CEBPZ: variants seen among roughly 807,000 people sequenced by gnomAD.
CEBPZ encodes CCAAT enhancer binding protein zeta.
A neutral mutation model predicts 104.5 loss-of-function variants in CEBPZ; 78 were observed. The ratio of observed to expected loss-of-function variants is 0.75; its 90% CI spans 0.62 to 0.90. CEBPZ has a LOEUF of 0.90. Ranked by LOEUF, CEBPZ falls within the 40% of genes least tolerant of loss-of-function variation. The probability of loss-of-function intolerance (pLI) is 0.00; values close to 1 mark genes in which losing one functional copy is unlikely to be tolerated. For synonymous variants in CEBPZ, 470 were observed against 427.0 expected (o/e 1.10, Z -1.24); for missense variants, 1,439 against 1,233.5 (o/e 1.17, Z -2.50).
rs764007712 is a variant in CEBPZ, at chr2:37,222,490, T to C, written c.1955A>G (p.Lys652Arg). 6.5e-5 allele frequency: 104 copies of C among 1,611,558 alleles called. 1 individual carries two copies. In the South Asian group the frequency reaches 1.1e-3, roughly 17 times the overall value. The part of the protein sequence containing the change: ...EDMEKFTDAD[K>R]ETEIVKKLET... ...AAGTTTTTTCACTATCTCTGTTTCT[T>C]TGTCTGCATCAGTGAATTTTTCCAT... Residue 652 changes from lysine (K) to arginine (R), a missense_variant, in exon 4 of 16, where the codon AAA becomes AGA. Transcript: ENST00000234170.
intron 5 of CEBPZ, 118 bp from the exon 6 acceptor site, chr2:37,217,155 T>C (rs945734631): frequency 6.4e-6 from 5 of 780,762 alleles, no homozygotes; most frequent in Non-Finnish European, 1.1e-5. Context: ...TCCAGCACTT[T>C]GGGAGGCTCA....
chr2:37,231,590 G>A lies in CEBPZ; in HGVS notation c.-23C>T, dbSNP rs1007908788. ...CATGGCGGGCAAAGCATACGCGCGT[G>A]AAACTCAGCCTATTTCCGCTCTGCC... On this transcript the variant is annotated 5_prime_UTR_variant, in exon 1 of 16. Transcript: ENST00000234170. 9 of 1,614,126 alleles carry A rather than the reference G, an allele frequency of 5.6e-6. No homozygotes were observed. Among genetic ancestry groups the A allele is most frequent in the African/African-American group, 1.3e-5 (1 of 74,952 alleles).
chr2:37,203,067 GC>G, intron 13 of CEBPZ, 59 bp from the exon 14 acceptor site: 1 of 1,128,734 alleles, frequency 8.9e-7, no homozygotes, highest in Non-Finnish European at 1.3e-6. Flanking sequence ...TTAGAAAAAT[GC>G]AATGCAACAT....
chr2:37,226,681 C>A (rs1021960811), intron 2 of CEBPZ, among the ~76,000 whole-genome samples: 2 of 152,038 alleles, frequency 1.3e-5, no homozygotes, highest in African/African-American at 4.8e-5. Flanking sequence ...ACCCAGGCGG[C>A]GTGGCTTAAG....
intron 2 of CEBPZ, among the ~76,000 whole-genome samples, chr2:37,226,483 C>G (rs1664890453): frequency 6.6e-6 from 1 of 152,190 alleles, no homozygotes; most frequent in Non-Finnish European, 1.5e-5. Flanking sequence ...CATTTACAAG[C>G]TGTAGAACCT....
At chr2:37,220,336 T>A (rs761054146) in intron 5 of CEBPZ, 49 bp downstream of exon 5, 10,533 of 526,350 alleles carry the variant, frequency 0.02, 267 homozygotes, top group Middle Eastern at 0.023. Flanking sequence ...AAAATATATA[T>A]ATATATATAT....
intron 10 of CEBPZ, among the ~76,000 whole-genome samples, chr2:37,213,141 G>A (rs532260645): frequency 1.3e-5 from 2 of 152,164 alleles, no homozygotes; most frequent in East Asian, 1.9e-4. Flanking sequence ...TTTTGTTTAA[G>A]TCTATTAAGT....
chr2:37,216,316 C>A lies in CEBPZ; in HGVS notation c.2311G>T (p.Glu771Ter). ...AATAATTCACTAAATAGAAGCATAC[C>A]TTTGCCTTTATGGGGCTTTGGATTT... is the stretch of plus-strand genomic sequence containing the variant. ...YRNPKPHKGKENTDSVVMQPK... is the reference protein window; with the variant it reads ...YRNPKPHKGK Residue 771 changes from glutamate (E) to a stop codon, truncating the protein, a stop_gained and splice_region_variant, in exon 7 of 16, where the codon GAA (glutamate) becomes TAA (stop). Coordinates refer to ENST00000234170, the MANE Select transcript of CEBPZ (RefSeq NM_005760.3). LOFTEE classifies it high-confidence loss of function. 6.2e-7 allele frequency: 1 copy of A among 1,612,654 alleles called. No homozygotes were observed.
Position 37,216,900 on chromosome 2 carries a change from G to A in CEBPZ, c.2208+84C>T. 4 of 1,136,034 alleles carry A rather than the reference G, an allele frequency of 3.5e-6. No individual in the cohort carries two copies. In the South Asian group the frequency reaches 5.3e-5, roughly 15 times the overall value. The allele number at this position is 1,136,034 out of a possible 1,614,324, so 70.4% of individuals were successfully genotyped here. A position where few individuals can be genotyped will look rare whatever the true frequency, so the allele number is the denominator to read the frequency against. ...AATGTACAAGATTCTCTCTGTTAGAGAAAACACTGTATGACCAATTATTGA... is the reference window on the plus strand; with the variant it reads ...AATGTACAAGATTCTCTCTGTTAGAAAAAACACTGTATGACCAATTATTGA... On this transcript the variant is annotated intron_variant, in intron 6 of 15. Transcript: ENST00000234170.
In CEBPZ at chr2:37,228,046, G is replaced by T. The variant is rs1347603084; in HGVS notation, c.1147C>A (p.Leu383Ile). ...AGTTTATTTACCACTTGCACAAGAA[G>T]AGCCTTTTCTTCCTCAGGCTTGTTA... ...LCNKPEEEKA[L>I]LVQVVNKLGD... The change falls in exon 2 of 16, where the codon CTT (leucine) becomes ATT (isoleucine). Residue 383 changes from leucine to isoleucine, a missense_variant. Leu to Ile is a conservative substitution (Grantham distance 5). Coordinates refer to ENST00000234170, the MANE Select transcript of CEBPZ (RefSeq NM_005760.3). 6.2e-7 allele frequency: 1 copy of T among 1,614,164 alleles called. No individual in the cohort carries two copies. Among genetic ancestry groups the T allele is most frequent in the East Asian group, 2.2e-5 (1 of 44,884 alleles).
rs755724384 is a variant in CEBPZ, at chr2:37,210,981, T to C, written c.2884+18A>G. 14 of 1,571,704 alleles carry C rather than the reference T, an allele frequency of 8.9e-6. No homozygotes were observed. The highest frequency in any genetic ancestry group is 1.4e-5 in the African/African-American group (1 of 73,652). Reference sequence around the variant, plus strand: ...ACATGGACACTGCTTTTAAAAGATATTAAATGTATTTTCTTACCTTGAAAT... The same window carrying C: ...ACATGGACACTGCTTTTAAAAGATACTAAATGTATTTTCTTACCTTGAAAT... On this transcript the variant is annotated intron_variant, in intron 13 of 15. Transcript: ENST00000234170.
intron 8 of CEBPZ, among the ~76,000 whole-genome samples, 189 bp downstream of exon 8, chr2:37,215,951 T>TA (rs201108820): frequency 6.1e-3 from 682 of 111,498 alleles, no homozygotes; most frequent in Middle Eastern, 0.014. Context: ...GTAATAAAGT[T>TA]AAAAAAAAAA....
At chr2:37,222,295 A>G in intron 4 of CEBPZ, 85 bp downstream of exon 4, 1 of 1,169,340 alleles carries the variant, frequency 8.6e-7, no homozygotes, top group South Asian at 1.7e-5. Flanking sequence ...ATAAATAAAT[A>G]AGTAAATAAA....
chr2:37,203,285 A>G, intron 13 of CEBPZ: 2 of 234,944 alleles, frequency 8.5e-6, no homozygotes, highest in Non-Finnish European at 1.6e-5. Flanking sequence ...CCATAAGGGA[A>G]ATAACATAGT....
At chr2:37,211,252 C>A in intron 12 of CEBPZ, 170 bp from the exon 13 acceptor site, 1 of 440,256 alleles carries the variant, frequency 2.3e-6, no homozygotes, top group East Asian at 3.4e-5. Flanking sequence ...GAGAAAAAGA[C>A]TCTAAGAATT....
intron 5 of CEBPZ, among the ~76,000 whole-genome samples, chr2:37,219,829 C>T (rs1417274093): frequency 6.6e-6 from 1 of 152,092 alleles, no homozygotes; most frequent in East Asian, 1.9e-4. Context: ...ACTCTATATG[C>T]AATAATCTAC....
At chr2:37,212,447 T>C (rs770641515) in intron 10 of CEBPZ, 55 bp from the exon 11 acceptor site, 4 of 1,370,648 alleles carry the variant, frequency 2.9e-6, no homozygotes, top group Non-Finnish European at 4.1e-6. Flanking sequence ...GCTTGACATA[T>C]ATCTTGTATC....
intron 13 of CEBPZ, 114 bp downstream of exon 13, chr2:37,210,885 C>G (rs1677699453): frequency 1.9e-6 from 1 of 519,154 alleles, no homozygotes; most frequent in Non-Finnish European, 3.2e-6. Flanking sequence ...TAAAAAGAAC[C>G]CCCCCCACCC....
In CEBPZ at chr2:37,227,791, A is replaced by G; in HGVS notation, c.1402T>C (p.Phe468Leu). The G allele has an allele frequency of 6.2e-7, 1 of 1,613,970 alleles. No individual in the cohort carries two copies. The change falls in exon 2 of 16, where the codon TTT (phenylalanine) becomes CTT (leucine). Residue 468 changes from phenylalanine (F) to leucine (L), a missense_variant. Physicochemically the swap from Phe to Leu is conservative, Grantham distance 22 (BLOSUM62 0). Transcript: ENST00000234170. ...TTTTTTTTGACACAAGTCCGAAAAA[A>G]GCAAAAGTAAACAGTTATTAATTTG... Reference protein sequence around the residue: ...ANKLITVYFCFFRTCVKKKDV... With the variant: ...ANKLITVYFCLFRTCVKKKDV...
Sources: gnomAD v4.1 joint callset for allele counts (sites outside exome capture counted in the v4.1 genomes callset) on GRCh38, gnomAD v4.1.1 for gene constraint, MANE v1.5 for transcripts, NCBI Gene and HGNC (gene_info 2026-07-23, HGNC 2026-07-21) for gene names.